Variants in PITPNC1 observed in about 807,000 individuals in gnomAD.
The protein encoded by PITPNC1 is phosphatidylinositol transfer protein cytoplasmic 1.
Under a neutral mutation model 44.7 loss-of-function variants are expected in PITPNC1, and 18 were observed. The observed-to-expected ratio is 0.40, with a 90% confidence interval of 0.28 to 0.60. PITPNC1 has a LOEUF of 0.60. PITPNC1 is among the 20% of genes least tolerant of loss of function. The probability of loss-of-function intolerance (pLI) is 0.39; values close to 1 mark genes in which losing one functional copy is unlikely to be tolerated. For missense variants in PITPNC1, 290 were observed against 418.4 expected, an observed-to-expected ratio of 0.69 and a Z score of 2.68; for synonymous variants, 141 against 149.6, an observed-to-expected ratio of 0.94 and a Z score of 0.42.
At chr17:67,591,289 A>G (rs538413316) in intron 5 of PITPNC1, among the ~76,000 whole-genome samples, 2 of 152,380 alleles carry the variant, frequency 1.3e-5, no homozygotes, top group East Asian at 3.9e-4. Context: ...TTTAGATTAA[A>G]GAAGACTAAA....
chr17:67,536,131 A>C (rs559520536), intron 2 of PITPNC1, among the ~76,000 whole-genome samples: 1 of 152,246 alleles, frequency 6.6e-6, no homozygotes, highest in Non-Finnish European at 1.5e-5. Flanking sequence ...GAATGGATGT[A>C]GGATGTTTTA....
intron 4 of PITPNC1, among the ~76,000 whole-genome samples, chr17:67,566,351 G>A (rs1598829054): frequency 6.6e-6 from 1 of 152,044 alleles, no homozygotes; most frequent in East Asian, 1.9e-4. Flanking sequence ...TGACAGGCGT[G>A]CACCACCATG....
At chr17:67,403,906 C>A (rs11651805) in intron 1 of PITPNC1, among the ~76,000 whole-genome samples, 29,576 of 152,074 alleles carry the variant, frequency 0.19, 3,533 homozygotes, top group Non-Finnish European at 0.26. Flanking sequence ...CCTGTAATCC[C>A]AGCTACTTGG....
chr17:67,683,515 T>A, intron 8 of PITPNC1, among the ~76,000 whole-genome samples: 1 of 152,204 alleles, frequency 6.6e-6, no homozygotes, highest in East Asian at 1.9e-4. Flanking sequence ...TCTGTGAGGA[T>A]ATTTCAGGAT....
chr17:67,433,683 C>CCTGGATAGTA (rs1464928770), intron 1 of PITPNC1, among the ~76,000 whole-genome samples: 1 of 151,986 alleles, frequency 6.6e-6, no homozygotes, highest in Non-Finnish European at 1.5e-5. Context: ...TGTGCTACAG[C>CCTGGATAGTA]CTGGATAGTA....
intron 4 of PITPNC1, among the ~76,000 whole-genome samples, chr17:67,569,053 C>A (rs879339198): frequency 1.8e-4 from 27 of 151,964 alleles, no homozygotes; most frequent in Non-Finnish European, 3.2e-4. Context: ...ATCCCCAGGG[C>A]CCCCATTCAC....
intron 5 of PITPNC1, among the ~76,000 whole-genome samples, chr17:67,623,509 C>T (rs1219173124): frequency 2.0e-5 from 3 of 152,126 alleles, no homozygotes; most frequent in Non-Finnish European, 4.4e-5. Context: ...TGAGCCTTCC[C>T]GAGCAGCTGG....
chr17:67,404,984 C>G (rs1170546084), intron 1 of PITPNC1, among the ~76,000 whole-genome samples: 1 of 152,172 alleles, frequency 6.6e-6, no homozygotes, highest in Non-Finnish European at 1.5e-5. Flanking sequence ...CCGTCACTCA[C>G]GCCTATGATC....
chr17:67,425,189 GCGCGCACGCACACGCACACACACACA>G (rs2038733165), intron 1 of PITPNC1, among the ~76,000 whole-genome samples: 1 of 41,612 alleles, frequency 2.4e-5, no homozygotes, highest in Non-Finnish European at 4.3e-5. Flanking sequence ...CATGTTGTGC[GCGCGCACGCACACGCACACACACACA>G]CACACACACA....
intron 4 of PITPNC1, among the ~76,000 whole-genome samples, chr17:67,568,361 G>A (rs1470166738): frequency 9.2e-4 from 140 of 152,248 alleles, no homozygotes; most frequent in South Asian, 4.1e-4. Context: ...GAATGGGGAC[G>A]TGACTGCTGA....
chr17:67,430,583 G>A lies in PITPNC1; in HGVS notation c.48+52381G>A, dbSNP rs118167638. Among the ~76,000 whole-genome samples the A allele has an allele frequency of 9.8e-3, 1,490 of 152,014 alleles. 25 individuals carry two copies. Among genetic ancestry groups the A allele is most frequent in the Non-Finnish European group, 0.014 (920 of 67,962 alleles). On this transcript the variant is annotated intron_variant, in intron 1 of 8. Transcript: ENST00000581322. ...TAGGAGGCAGAATGCTCTAGAGGGT[G>A]GAAGCGGGAGGATTGCTTGAGGTCA...
At chr17:67,433,704 C>T (rs1255405758) in intron 1 of PITPNC1, among the ~76,000 whole-genome samples, 1 of 152,014 alleles carries the variant, frequency 6.6e-6, no homozygotes, top group Non-Finnish European at 1.5e-5. Context: ...GAGTGAGACT[C>T]CATCTCTAAA....
At chr17:67,617,403 G>A (rs1287081523) in intron 5 of PITPNC1, among the ~76,000 whole-genome samples, 1 of 152,192 alleles carries the variant, frequency 6.6e-6, no homozygotes, top group African/African-American at 2.4e-5. Context: ...TATTTGGGAG[G>A]CTGAGGCAGG....
chr17:67,578,719 C>T (rs555975571), intron 5 of PITPNC1, among the ~76,000 whole-genome samples: 16 of 152,232 alleles, frequency 1.1e-4, no homozygotes, highest in Non-Finnish European at 2.2e-4. Context: ...CAGTGGCTCA[C>T]GCCTGTAATC....
intron 1 of PITPNC1, among the ~76,000 whole-genome samples, chr17:67,440,331 G>A (rs1041028882): frequency 4.6e-5 from 7 of 152,034 alleles, no homozygotes; most frequent in Non-Finnish European, 1.0e-4. Flanking sequence ...ATAACAAAAA[G>A]TAAGATCATC....
chr17:67,631,657 A>AAAATATATATATATAT (rs1555574522), intron 5 of PITPNC1, among the ~76,000 whole-genome samples: 7 of 7,678 alleles, frequency 9.1e-4, no homozygotes, highest in African/African-American at 2.2e-3. Context: ...AAAAAAAAAA[A>AAAATATATATATATAT]ATATATATAT....
At chr17:67,458,881 A>G (rs2039292904) in intron 1 of PITPNC1, among the ~76,000 whole-genome samples, 1 of 152,056 alleles carries the variant, frequency 6.6e-6, no homozygotes, top group Non-Finnish European at 1.5e-5. Context: ...CTTGGGGCCA[A>G]TATTTCTGTT....
intron 1 of PITPNC1, among the ~76,000 whole-genome samples, chr17:67,386,045 C>CTCT (rs763071918): frequency 9.9e-5 from 15 of 152,166 alleles, no homozygotes; most frequent in Non-Finnish European, 1.8e-4. Flanking sequence ...GTTCCTAAGG[C>CTCT]TCTTGAAAGT....
At chr17:67,479,650 AAGATT>A (rs1164107895) in intron 1 of PITPNC1, among the ~76,000 whole-genome samples, 2 of 152,172 alleles carry the variant, frequency 1.3e-5, no homozygotes, top group Non-Finnish European at 2.9e-5. Context: ...GACCAAATCA[AAGATT>A]ATGATTTTTT....
Sources: allele counts gnomAD v4.1 joint callset (sites outside exome capture counted in the v4.1 genomes callset), GRCh38; gene constraint gnomAD v4.1.1; transcripts MANE v1.5; gene names NCBI Gene and HGNC (gene_info 2026-07-23, HGNC 2026-07-21).